CLDN10: variants seen among roughly 807,000 people sequenced by gnomAD.
The protein encoded by CLDN10 is claudin-10.
In CLDN10, 15 loss-of-function variants were observed where a neutral mutation model predicts 22.9. The ratio of observed to expected loss-of-function variants is 0.65; its 90% CI spans 0.44 to 1.01. The LOEUF is 1.01. Ranked by LOEUF, CLDN10 falls within the 50% of genes least tolerant of loss-of-function variation. The pLI, the probability that CLDN10 is intolerant of heterozygous loss-of-function variation, is 0.00. For missense variants in CLDN10, 247 were observed against 287.8 expected (o/e 0.86, Z 1.03); for synonymous variants, 114 against 111.4 (o/e 1.02, Z -0.15).
chr13:95,519,279 C>T (rs1566313570), intron 1 of CLDN10, among the ~76,000 whole-genome samples: 1 of 152,166 alleles, frequency 6.6e-6, no homozygotes, highest in Non-Finnish European at 1.5e-5. Flanking sequence ...CTGAGCTGGA[C>T]CAGAGACCTA....
intron 1 of CLDN10, among the ~76,000 whole-genome samples, chr13:95,459,554 T>A (rs2042514829): frequency 6.6e-6 from 1 of 152,240 alleles, no homozygotes; most frequent in African/African-American, 2.4e-5. Flanking sequence ...TGGTCTGCGC[T>A]GTACATTGGC....
At position 95,499,371 on chromosome 13, in the gene CLDN10, G is replaced by A. The variant is rs150247856; in HGVS notation, c.215-60761G>A. 5.6e-3 allele frequency among the ~76,000 whole-genome samples: 845 copies of A among 152,142 alleles called. 5 individuals are homozygous for A. Among genetic ancestry groups the A allele is most frequent in the African/African-American group, 0.02 (816 of 41,486 alleles). ...ACCCTAGCCAACATGGTGAAACCCC[G>A]TCTCTACTAAAATTACAAAAATTAG... is the stretch of plus-strand genomic sequence containing the variant. On this transcript the variant is annotated intron_variant, in intron 1 of 4. Transcript: ENST00000376873.
intron 1 of CLDN10, among the ~76,000 whole-genome samples, chr13:95,483,722 T>C (rs1594552241): frequency 6.6e-6 from 1 of 152,182 alleles, no homozygotes; most frequent in Admixed American, 6.5e-5. Context: ...TTTAGAAACA[T>C]GCCAAGCATG....
intron 1 of CLDN10, among the ~76,000 whole-genome samples, chr13:95,446,493 T>C (rs1220017922): frequency 6.6e-6 from 1 of 152,248 alleles, no homozygotes; most frequent in Non-Finnish European, 1.5e-5. Context: ...GTAAATGTTA[T>C]ATATGTTATG....
At chr13:95,545,359 C>G (rs1339310876) in intron 1 of CLDN10, among the ~76,000 whole-genome samples, 1 of 151,790 alleles carries the variant, frequency 6.6e-6, no homozygotes, top group African/African-American at 2.4e-5. Flanking sequence ...GCCTGACCAA[C>G]ATGGAGAAAC....
At chr13:95,535,497 G>A (rs1391287056) in intron 1 of CLDN10, among the ~76,000 whole-genome samples, 1 of 150,814 alleles carries the variant, frequency 6.6e-6, no homozygotes, top group Admixed American at 6.6e-5. Flanking sequence ...CTCATAACTT[G>A]CTTGGCAGAC....
chr13:95,560,613 T>G, intron 3 of CLDN10, 150 bp downstream of exon 3: 1 of 644,108 alleles, frequency 1.6e-6, no homozygotes, highest in Non-Finnish European at 2.7e-6. Flanking sequence ...ATTAAATGTG[T>G]CATATGCCAC....
intron 1 of CLDN10, among the ~76,000 whole-genome samples, chr13:95,488,303 A>G (rs561599358): frequency 6.6e-6 from 1 of 151,704 alleles, no homozygotes; most frequent in Non-Finnish European, 1.5e-5. Context: ...CGGCCTCCCA[A>G]TGTAATAGAA....
intron 1 of CLDN10, among the ~76,000 whole-genome samples, chr13:95,474,661 C>A (rs1284572069): frequency 1.3e-5 from 2 of 152,342 alleles, no homozygotes; most frequent in African/African-American, 4.8e-5. Flanking sequence ...GGGAGGCCTG[C>A]AAGGGCAATG....
intron 1 of CLDN10, among the ~76,000 whole-genome samples, chr13:95,502,963 T>C (rs996671760): frequency 3.3e-5 from 5 of 152,320 alleles, no homozygotes; most frequent in Admixed American, 1.3e-4. Context: ...ATGAAAGGGA[T>C]AGGAGTAAAA....
chr13:95,531,451 C>T (rs1379309823), intron 1 of CLDN10, among the ~76,000 whole-genome samples: 1 of 152,048 alleles, frequency 6.6e-6, no homozygotes, highest in Non-Finnish European at 1.5e-5. Flanking sequence ...GTCATTATAT[C>T]CTCATTATTA....
chr13:95,529,159 T>A (rs2043315294), intron 1 of CLDN10, among the ~76,000 whole-genome samples: 3 of 152,116 alleles, frequency 2.0e-5, no homozygotes, highest in Admixed American at 2.0e-4. Context: ...CTGTTACCTA[T>A]AAATTTACCT....
At chr13:95,576,444 G>A (rs2043927298) in intron 3 of CLDN10, among the ~76,000 whole-genome samples, 1 of 152,174 alleles carries the variant, frequency 6.6e-6, no homozygotes, top group Non-Finnish European at 1.5e-5. Context: ...TTCTTCTGGA[G>A]AAAGCTAAAC....
intron 1 of CLDN10, among the ~76,000 whole-genome samples, chr13:95,515,429 A>T (rs1380629754): frequency 6.6e-6 from 1 of 152,034 alleles, no homozygotes; most frequent in Non-Finnish European, 1.5e-5. Context: ...TGAATTCCTG[A>T]CCTCAAATGA....
intron 1 of CLDN10, among the ~76,000 whole-genome samples, chr13:95,533,184 C>A (rs2043363848): frequency 6.8e-6 from 1 of 146,222 alleles, no homozygotes; most frequent in South Asian, 2.2e-4. Flanking sequence ...AGAAATTGTA[C>A]TGAGGCCTGC....
chr13:95,442,921 A>G (rs2042338284), intron 1 of CLDN10, among the ~76,000 whole-genome samples: 1 of 152,254 alleles, frequency 6.6e-6, no homozygotes, highest in Non-Finnish European at 1.5e-5. Context: ...AGCAGCTGTC[A>G]CAATCATAAG....
intron 1 of CLDN10, among the ~76,000 whole-genome samples, chr13:95,439,277 C>G (rs996388995): frequency 9.2e-5 from 14 of 152,026 alleles, no homozygotes; most frequent in African/African-American, 3.1e-4. Flanking sequence ...CCATAGACGG[C>G]ACCTTCTCAC....
At chr13:95,536,863 C>T (rs928629648) in intron 1 of CLDN10, among the ~76,000 whole-genome samples, 5 of 152,174 alleles carry the variant, frequency 3.3e-5, no homozygotes, top group African/African-American at 7.2e-5. Flanking sequence ...GCAAATTTCT[C>T]ATGAAATATA....
intron 1 of CLDN10, among the ~76,000 whole-genome samples, chr13:95,518,878 C>A (rs1309187430): frequency 6.6e-6 from 1 of 152,146 alleles, no homozygotes; most frequent in South Asian, 2.1e-4. Flanking sequence ...ATGTGATCAG[C>A]GCTATAGAAT....
Sources: allele counts gnomAD v4.1 joint callset (sites outside exome capture counted in the v4.1 genomes callset), GRCh38; gene constraint gnomAD v4.1.1; transcripts MANE v1.5; gene names NCBI Gene and HGNC (gene_info 2026-07-23, HGNC 2026-07-21).